The following HOOK3 variants were observed in gnomAD, a reference collection of about 807,000 sequenced individuals.
HOOK3 encodes hook microtubule tethering protein 3, also known as protein Hook homolog 3.
In HOOK3, 24 loss-of-function variants were observed where a neutral mutation model predicts 116.3. The ratio of observed to expected loss-of-function variants is 0.21; its 90% confidence interval spans 0.15 to 0.29. HOOK3 has a LOEUF of 0.29. HOOK3 is among the 10% of genes least tolerant of loss of function. The pLI is 1.00. For missense variants in HOOK3, 632 were observed against 830.2 expected (o/e 0.76, Z 2.93); for synonymous variants, 275 against 283.0 (o/e 0.97, Z 0.28).
chr8:42,913,251 A>C (rs1807468322), intron 2 of HOOK3, among the ~76,000 whole-genome samples: 1 of 151,952 alleles, frequency 6.6e-6, no homozygotes, highest in Admixed American at 6.5e-5. Flanking sequence ...TCACTTCTAA[A>C]AGTATCCTCA....
chr8:42,986,571 T>A, intron 14 of HOOK3, 84 bp from the exon 15 acceptor site: 1 of 1,024,590 alleles, frequency 9.8e-7, no homozygotes, highest in Non-Finnish European at 1.4e-6. Context: ...GTAAGAGTGC[T>A]TAGCTGGATT....
At chr8:42,906,337 A>G in intron 2 of HOOK3, 79 bp downstream of exon 2, 1 of 1,029,524 alleles carries the variant, frequency 9.7e-7, no homozygotes. Context: ...TTAAAAAAGT[A>G]CTTACATGAA....
intron 2 of HOOK3, among the ~76,000 whole-genome samples, chr8:42,922,950 A>G (rs1807688064): frequency 6.6e-6 from 1 of 152,298 alleles, no homozygotes; most frequent in African/African-American, 2.4e-5. Flanking sequence ...TTCACACATC[A>G]TATGTCTGTT....
intron 21 of HOOK3, among the ~76,000 whole-genome samples, chr8:43,014,436 C>T (rs958704070): frequency 6.6e-6 from 1 of 151,836 alleles, no homozygotes; most frequent in African/African-American, 2.4e-5. Context: ...ACTGCAACCT[C>T]CGCCTCCCAG....
At chr8:42,926,004 G>A (rs986682363) in intron 3 of HOOK3, among the ~76,000 whole-genome samples, 1 of 152,164 alleles carries the variant, frequency 6.6e-6, no homozygotes, top group Non-Finnish European at 1.5e-5. Context: ...AATAGTGCAC[G>A]TGGTAGTTAT....
chr8:42,905,539 T>C (rs971164204), intron 1 of HOOK3, among the ~76,000 whole-genome samples: 1 of 152,018 alleles, frequency 6.6e-6, no homozygotes, highest in Non-Finnish European at 1.5e-5. Flanking sequence ...GTCTTTTCCC[T>C]GTGTGTCCCT....
chr8:42,946,917 C>T (rs1424042045), intron 5 of HOOK3, among the ~76,000 whole-genome samples: 3 of 151,652 alleles, frequency 2.0e-5, no homozygotes, highest in African/African-American at 4.8e-5. Context: ...TACAGGTGCA[C>T]GTGCCACCAC....
chr8:43,002,453 C>T (rs1809398419), intron 17 of HOOK3, among the ~76,000 whole-genome samples: 1 of 152,138 alleles, frequency 6.6e-6, no homozygotes. Context: ...ATAGTAATTG[C>T]TTTTTAGGAG....
intron 8 of HOOK3, among the ~76,000 whole-genome samples, chr8:42,963,212 A>G (rs764392460): frequency 6.6e-6 from 1 of 152,156 alleles, no homozygotes; most frequent in African/African-American, 2.4e-5. Context: ...CATATATGAA[A>G]TTCGGGATAT....
intron 14 of HOOK3, 117 bp from the exon 15 acceptor site, chr8:42,986,538 A>G: frequency 1.5e-6 from 1 of 653,388 alleles, no homozygotes. Context: ...TTTATTTTTC[A>G]TTTCTGTTCT....
At chr8:42,964,265 C>T (rs532087950) in intron 8 of HOOK3, 46 bp from the exon 9 acceptor site, 3 of 1,575,898 alleles carry the variant, frequency 1.9e-6, no homozygotes, top group East Asian at 2.2e-5. Flanking sequence ...GAGCTGATGC[C>T]AGTGTAGTTG....
intron 19 of HOOK3, among the ~76,000 whole-genome samples, chr8:43,011,140 C>G (rs1275586699): frequency 3.3e-5 from 5 of 152,020 alleles, no homozygotes; most frequent in Middle Eastern, 3.2e-3. Context: ...CTACAGGCGC[C>G]TGCCACCACA....
At chr8:43,015,013 G>A (rs147493200) in intron 21 of HOOK3, among the ~76,000 whole-genome samples, 4,676 of 151,638 alleles carry the variant, frequency 0.031, 261 homozygotes, top group African/African-American at 0.11. Context: ...CAGGCATGGT[G>A]GCACATGCCT....
At position 42,902,825 on chromosome 8, in the gene HOOK3, G is replaced by A. The variant is rs1055157668; in HGVS notation, c.58-3348G>A. Among the ~76,000 whole-genome samples, 16 of 152,252 alleles carry A rather than the reference G, an allele frequency of 1.1e-4. 2 individuals are homozygous for A. The highest frequency in any genetic ancestry group is 8.5e-4 in the Admixed American group (13 of 15,296). ...ATTAGCTCCTTTCATTCAAAGTGGC[G>A]TCCACTGAGGGCTTGTTCGTATCAG... is the stretch of plus-strand genomic sequence containing the variant. On this transcript the variant is annotated intron_variant, in intron 1 of 21. Transcript: ENST00000307602.
intron 16 of HOOK3, chr8:42,998,153 G>C: frequency 6.2e-6 from 1 of 162,000 alleles, no homozygotes; most frequent in Non-Finnish European, 1.3e-5. Context: ...CTGCACACTT[G>C]CACTAGAATA....
intron 4 of HOOK3, among the ~76,000 whole-genome samples, chr8:42,934,994 T>C (rs1807938850): frequency 6.6e-6 from 1 of 152,218 alleles, no homozygotes; most frequent in Admixed American, 6.5e-5. Context: ...TTGAACTAAT[T>C]TACAGTCCCA....
intron 4 of HOOK3, among the ~76,000 whole-genome samples, chr8:42,934,700 A>G (rs756266624): frequency 2.0e-5 from 3 of 152,070 alleles, no homozygotes; most frequent in Non-Finnish European, 4.4e-5. Flanking sequence ...AGCTTCATTC[A>G]TGTCCCTGCA....
At chr8:42,943,065 T>A (rs889353811) in intron 4 of HOOK3, among the ~76,000 whole-genome samples, 1 of 151,978 alleles carries the variant, frequency 6.6e-6, no homozygotes, top group African/African-American at 2.4e-5. Context: ...GTACTCAGGG[T>A]TTTTTTGTTT....
intron 1 of HOOK3, 112 bp downstream of exon 1, chr8:42,897,300 G>A (rs1375596486): frequency 1.5e-6 from 1 of 672,422 alleles, no homozygotes; most frequent in Non-Finnish European, 2.1e-6. Flanking sequence ...CGTCACATCC[G>A]GGGCCTGGGG....
Sources: gnomAD v4.1 joint callset for allele counts (sites outside exome capture counted in the v4.1 genomes callset) on GRCh38, gnomAD v4.1.1 for gene constraint, MANE v1.5 for transcripts, NCBI Gene and HGNC (gene_info 2026-07-23, HGNC 2026-07-21) for gene names.